Variants in LRP1B observed in about 807,000 individuals in gnomAD.
LRP1B encodes low-density lipoprotein receptor-related protein 1B.
LRP1B carries 217 observed loss-of-function variants against 556.6 expected under a neutral mutation model. That is an observed-to-expected ratio of 0.39 (90% CI 0.35 to 0.44). The LOEUF is 0.44. Ranked by LOEUF, LRP1B falls within the 20% of genes least tolerant of loss-of-function variation. The probability of loss-of-function intolerance (pLI) is 1.00; values close to 1 mark genes in which losing one functional copy is unlikely to be tolerated. For synonymous variants in LRP1B, 2,047 were observed against 1,865.8 expected (o/e 1.10, Z -2.50); for missense variants, 5,053 against 5,620.8 (o/e 0.90, Z 3.23).
rs1680482318 is a variant in LRP1B at position 141,171,144 on chromosome 2, G to A, written c.1013+17277C>T. Among the ~76,000 whole-genome samples, 5 of 152,058 alleles carry A rather than the reference G, an allele frequency of 3.3e-5. No homozygotes were observed. In the South Asian group the frequency reaches 1.0e-3, roughly 31 times the overall value. The stretch of plus-strand genomic sequence containing the variant: ...TATCATTAAAATCTTGCCTTGGTGT[G>A]TTAACACTTGTTACAATTACTGAAC... On this transcript the variant is annotated intron_variant, in intron 7 of 90. Transcript: ENST00000389484.
At chr2:141,451,909 A>G (rs938346565) in intron 3 of LRP1B, among the ~76,000 whole-genome samples, 5 of 152,160 alleles carry the variant, frequency 3.3e-5, no homozygotes, top group African/African-American at 1.2e-4. Context: ...AAAACAATAC[A>G]TTCAGTTTTC....
chr2:140,819,731 G>C (rs1006460651), intron 31 of LRP1B, among the ~76,000 whole-genome samples: 1 of 152,078 alleles, frequency 6.6e-6, no homozygotes, highest in Non-Finnish European at 1.5e-5. Context: ...GTTTTTAAGT[G>C]ACAATAGGAT....
intron 1 of LRP1B, among the ~76,000 whole-genome samples, chr2:142,063,720 T>C (rs1458377810): frequency 6.6e-6 from 1 of 151,602 alleles, no homozygotes; most frequent in East Asian, 1.9e-4. Flanking sequence ...CTAGATAACA[T>C]AAAATGAATA....
chr2:141,365,585 G>A (rs1573861989), intron 3 of LRP1B, among the ~76,000 whole-genome samples: 1 of 144,484 alleles, frequency 6.9e-6, no homozygotes, highest in Non-Finnish European at 1.5e-5. Context: ...AGCTTCATAT[G>A]TAAACCCATG....
At chr2:140,434,725 C>T (rs1208896388) in intron 66 of LRP1B, among the ~76,000 whole-genome samples, 12 of 152,116 alleles carry the variant, frequency 7.9e-5, no homozygotes, top group Non-Finnish European at 2.9e-5. Context: ...TCAGAATCAT[C>T]AACTATACCC....
chr2:140,432,406 T>G (rs572438549), intron 66 of LRP1B, among the ~76,000 whole-genome samples: 1 of 152,316 alleles, frequency 6.6e-6, no homozygotes, highest in South Asian at 2.1e-4. Context: ...AACATGAACA[T>G]TTCCTCAAAA....
At chr2:140,938,898 T>C (rs1010238002) in intron 20 of LRP1B, among the ~76,000 whole-genome samples, 1 of 152,044 alleles carries the variant, frequency 6.6e-6, no homozygotes, top group African/African-American at 2.4e-5. Flanking sequence ...AAAGAGGACA[T>C]AAGCAAAAGA....
At chr2:141,339,213 AT>A (rs767527880) in intron 3 of LRP1B, among the ~76,000 whole-genome samples, 3 of 150,210 alleles carry the variant, frequency 2.0e-5, no homozygotes, top group African/African-American at 7.3e-5. Context: ...ATGTCTATAA[AT>A]TTTTTCCCTA....
intron 3 of LRP1B, among the ~76,000 whole-genome samples, chr2:141,298,697 G>A (rs1686279101): frequency 6.6e-6 from 1 of 152,086 alleles, no homozygotes; most frequent in Non-Finnish European, 1.5e-5. Context: ...GCTCACGCCT[G>A]TAATACCAGC....
intron 62 of LRP1B, among the ~76,000 whole-genome samples, chr2:140,452,979 T>A (rs1053654098): frequency 2.0e-5 from 3 of 149,342 alleles, no homozygotes; most frequent in African/African-American, 4.9e-5. Flanking sequence ...TTTTTTTTTT[T>A]ATAAAATAGG....
At chr2:140,238,954 C>G (rs1047126148) in intron 88 of LRP1B, among the ~76,000 whole-genome samples, 1 of 150,752 alleles carries the variant, frequency 6.6e-6, no homozygotes, top group Non-Finnish European at 1.5e-5. Flanking sequence ...CTGTAGACAA[C>G]CTAGTCTTCT....
In LRP1B at chr2:140,566,067, G is replaced by C. The variant is rs116013759; in HGVS notation, c.7195-24096C>G. Among the ~76,000 whole-genome samples the C allele has an allele frequency of 3.6e-3, 552 of 152,230 alleles. 3 individuals carry two copies. The highest frequency in any genetic ancestry group is 0.013 in the African/African-American group (521 of 41,528). ...TTCTCTGCTATGCCATTTTGGAACTGCAACTACTGATGGTGTGTATGTGGC... is the reference window on the plus strand; with the variant it reads ...TTCTCTGCTATGCCATTTTGGAACTCCAACTACTGATGGTGTGTATGTGGC... On this transcript the variant is annotated intron_variant, in intron 43 of 90. Transcript: ENST00000389484.
intron 89 of LRP1B, among the ~76,000 whole-genome samples, chr2:140,236,995 C>G (rs1680737927): frequency 6.6e-6 from 1 of 150,892 alleles, no homozygotes; most frequent in Non-Finnish European, 1.5e-5. Context: ...TATCTATCAC[C>G]TCATACATAG....
chr2:140,905,222 G>T (rs945837633), intron 22 of LRP1B, among the ~76,000 whole-genome samples: 5 of 151,402 alleles, frequency 3.3e-5, no homozygotes, highest in African/African-American at 1.2e-4. Context: ...CACCTCCACC[G>T]CCCCCCTCCC....
chr2:141,173,046 C>T (rs1398120212), intron 7 of LRP1B, among the ~76,000 whole-genome samples: 8 of 121,880 alleles, frequency 6.6e-5, no homozygotes, highest in Non-Finnish European at 1.3e-4. Context: ...ATGTAGTATG[C>T]TTTAAAATTA....
intron 2 of LRP1B, among the ~76,000 whole-genome samples, chr2:141,487,964 C>T (rs1444137632): frequency 6.6e-6 from 1 of 152,156 alleles, no homozygotes; most frequent in Non-Finnish European, 1.5e-5. Context: ...TTCTGCCTGA[C>T]ACTATTGTGA....
intron 3 of LRP1B, among the ~76,000 whole-genome samples, chr2:141,449,469 T>C (rs952698243): frequency 1.3e-5 from 2 of 152,342 alleles, no homozygotes; most frequent in East Asian, 3.9e-4. Context: ...TCAGATTTTT[T>C]ACATTTTTTA....
At chr2:141,604,651 G>A (rs950607292) in intron 2 of LRP1B, among the ~76,000 whole-genome samples, 8 of 151,888 alleles carry the variant, frequency 5.3e-5, no homozygotes, top group Non-Finnish European at 1.2e-4. Flanking sequence ...CTTTTGAGTG[G>A]TGCCTTCGTT....
At chr2:141,993,131 G>T (rs1285617630) in intron 1 of LRP1B, among the ~76,000 whole-genome samples, 1 of 152,120 alleles carries the variant, frequency 6.6e-6, no homozygotes, top group Non-Finnish European at 1.5e-5. Flanking sequence ...TGTTGGAAAA[G>T]ATGAAAGAGT....
Sources: gnomAD v4.1 joint callset for allele counts (sites outside exome capture counted in the v4.1 genomes callset) on GRCh38, gnomAD v4.1.1 for gene constraint, MANE v1.5 for transcripts, NCBI Gene and HGNC (gene_info 2026-07-23, HGNC 2026-07-21) for gene names.